Variants in CTTN observed in about 807,000 individuals in gnomAD.
CTTN encodes cortactin.
Under a neutral mutation model 84.0 loss-of-function variants are expected in CTTN, and 28 were observed. The ratio of observed to expected loss-of-function variants is 0.33; its 90% confidence interval spans 0.25 to 0.46. The LOEUF is 0.46. Ranked by LOEUF, CTTN falls within the 20% of genes least tolerant of loss-of-function variation. The pLI is 1.00. For missense variants in CTTN, 641 were observed against 723.8 expected (o/e 0.89, Z 1.31); for synonymous variants, 301 against 288.8 (o/e 1.04, Z -0.43).
chr11:70,423,733 G>A (rs1397311650), intron 12 of CTTN, among the ~76,000 whole-genome samples: 1 of 152,214 alleles, frequency 6.6e-6, no homozygotes, highest in Non-Finnish European at 1.5e-5. Flanking sequence ...GGGGAGCGGG[G>A]ATAGAGCTGG....
intron 2 of CTTN, among the ~76,000 whole-genome samples, chr11:70,405,733 C>T (rs117620840): frequency 9.1e-4 from 138 of 152,278 alleles, no homozygotes; most frequent in South Asian, 4.6e-3. Flanking sequence ...AGAGACTGTG[C>T]TCTGCTAATC....
At chr11:70,409,021 TG>T (rs2058073069) in intron 4 of CTTN, among the ~76,000 whole-genome samples, 1 of 152,194 alleles carries the variant, frequency 6.6e-6, no homozygotes, top group South Asian at 2.1e-4. Flanking sequence ...GAGGAACACA[TG>T]GGGAATAAGC....
chr11:70,411,145 AG>A (rs1266591557), intron 5 of CTTN, among the ~76,000 whole-genome samples: 2 of 152,230 alleles, frequency 1.3e-5, no homozygotes, highest in Non-Finnish European at 1.5e-5. Context: ...GAGTGTAAAC[AG>A]GCAGACGGAC....
Position 70,435,487 on chromosome 11 carries a change from T to C in CTTN, c.*325T>C. 1.3e-6 allele frequency: 2 copies of C among 1,553,676 alleles called. No individual in the cohort carries two copies. The highest frequency in any genetic ancestry group is 1.7e-6 in the Non-Finnish European group (2 of 1,156,598). ...GCAGCTTCAGGGAGCTCGCATTCTC[T>C]TGTGTTCGTGTTGCCCTCGTGCCCA... On this transcript the variant is annotated 3_prime_UTR_variant, in exon 18 of 18. Coordinates refer to ENST00000301843, the MANE Select transcript of CTTN (RefSeq NM_005231.4).
At chr11:70,422,752 G>T in intron 11 of CTTN, 188 bp from the exon 12 acceptor site, 12 of 1,458,326 alleles carry the variant, frequency 8.2e-6, no homozygotes, top group Non-Finnish European at 1.1e-5. Context: ...GCTTCTCACT[G>T]CCTGTGTCTC....
chr11:70,413,361 C>T (rs1233166306), intron 5 of CTTN, among the ~76,000 whole-genome samples: 1 of 152,188 alleles, frequency 6.6e-6, no homozygotes, highest in Non-Finnish European at 1.5e-5. Flanking sequence ...TGACCCGGCT[C>T]TGCTGTGAGG....
intron 8 of CTTN, 99 bp from the exon 9 acceptor site, chr11:70,419,647 C>A: frequency 2.3e-6 from 2 of 875,992 alleles, no homozygotes; most frequent in Non-Finnish European, 1.8e-6. Flanking sequence ...CTACAGTGGA[C>A]CTGAAAGATT....
chr11:70,405,153 C>T (rs765492838), intron 1 of CTTN, 112 bp from the exon 2 acceptor site: 1 of 152,172 alleles, frequency 6.6e-6, no homozygotes, highest in African/African-American at 2.4e-5. Context: ...AACCTTGTTA[C>T]GTTTGGGAAG....
At position 70,435,167 on chromosome 11, in the gene CTTN, C is replaced by A; in HGVS notation, c.*5C>A. On this transcript the variant is annotated 3_prime_UTR_variant, in exon 18 of 18. Transcript: ENST00000301843. Reference sequence around the variant, plus strand: ...TATGTGGAGCTGCGGCAGTAGGGCCCCCAGCCCCCCCCCGGAGCTGCGCCC... The same window carrying A: ...TATGTGGAGCTGCGGCAGTAGGGCCACCAGCCCCCCCCCGGAGCTGCGCCC... 4 of 1,604,680 alleles carry A rather than the reference C, an allele frequency of 2.5e-6. No individual in the cohort carries two copies. The highest frequency in any genetic ancestry group is 3.4e-6 in the Non-Finnish European group (4 of 1,176,108).
chr11:70,412,042 G>GC (rs1421800052), intron 5 of CTTN, among the ~76,000 whole-genome samples: 2 of 152,128 alleles, frequency 1.3e-5, no homozygotes, highest in African/African-American at 2.4e-5. Context: ...GGCGAGTCCA[G>GC]CAAGGGATGC....
At chr11:70,413,254 A>G (rs1156936236) in intron 5 of CTTN, among the ~76,000 whole-genome samples, 1 of 152,212 alleles carries the variant, frequency 6.6e-6, no homozygotes, top group African/African-American at 2.4e-5. Flanking sequence ...GTGGCTCCAC[A>G]TGCTAGAGGG....
intron 1 of CTTN, among the ~76,000 whole-genome samples, chr11:70,400,407 G>T (rs1320672036): frequency 6.6e-6 from 1 of 151,978 alleles, no homozygotes; most frequent in Non-Finnish European, 1.5e-5. Context: ...AGGCTGCATT[G>T]AGCTCGATCG....
At position 70,407,320 on chromosome 11, in the gene CTTN, A is replaced by G; in HGVS notation, c.23A>G (p.His8Arg). 2 of 1,553,366 alleles carry G rather than the reference A, an allele frequency of 1.3e-6. No individual in the cohort carries two copies. Among genetic ancestry groups the G allele is most frequent in the South Asian group, 2.4e-5 (2 of 84,580 alleles). Reference protein sequence around the residue: MWKASAGHAVSIAQDDAG... With the variant: MWKASAGRAVSIAQDDAG... The stretch of plus-strand genomic sequence containing the variant: ...CAGATGTGGAAAGCTTCAGCAGGCC[A>G]CGCTGTGTCCATCGCCCAGGATGAC... The change falls in exon 3 of 18, where the codon CAC (histidine) becomes CGC (arginine). Residue 8 changes from histidine (H) to arginine (R), a missense_variant. This residue lies in a region of CTTN where 284 missense variants were observed against 348.4 expected (regional missense o/e 0.82). Coordinates refer to ENST00000301843, the MANE Select transcript of CTTN (RefSeq NM_005231.4).
Position 70,436,294 on chromosome 11 carries a change from C to T in CTTN, c.*1132C>T. 1 of 1,598,232 alleles carries T rather than the reference C, an allele frequency of 6.3e-7. No individual in the cohort carries two copies. The highest frequency in any genetic ancestry group is 8.5e-7 in the Non-Finnish European group (1 of 1,179,764). ...ACTCACTTTGTAGGAAACTCATCTCCTTCCTGAGGAGCCGGGAGGCTGGAC... is the reference window on the plus strand; with the variant it reads ...ACTCACTTTGTAGGAAACTCATCTCTTTCCTGAGGAGCCGGGAGGCTGGAC... On this transcript the variant is annotated 3_prime_UTR_variant, in exon 18 of 18. Coordinates refer to ENST00000301843, the MANE Select transcript of CTTN (RefSeq NM_005231.4).
chr11:70,422,790 CT>C, intron 11 of CTTN, 149 bp from the exon 12 acceptor site: 1 of 1,490,648 alleles, frequency 6.7e-7, no homozygotes, highest in Non-Finnish European at 9.0e-7. Context: ...CAAAACTTGC[CT>C]TGCAAGTGAA....
intron 1 of CTTN, among the ~76,000 whole-genome samples, chr11:70,404,885 C>G (rs1182974180): frequency 6.6e-6 from 1 of 152,148 alleles, no homozygotes; most frequent in African/African-American, 2.4e-5. Context: ...GCCTGTAATC[C>G]CAGCTACTTG....
rs1414085722 is a variant in CTTN at position 70,415,733 on chromosome 11, T to C, written c.457+16T>C. On this transcript the variant is annotated intron_variant, in intron 7 of 17. Coordinates refer to ENST00000301843, the MANE Select transcript of CTTN (RefSeq NM_005231.4). ...TCCCAGAAAGGTAAGACGCGAAAGG[T>C]GCAGAAAGAGCCCGCTCCGGGGGCC... 6.2e-7 allele frequency: 1 copy of C among 1,613,714 alleles called. No individual in the cohort carries two copies. The highest frequency in any genetic ancestry group is 8.5e-7 in the Non-Finnish European group (1 of 1,179,760).
Position 70,433,211 on chromosome 11 carries a change from G to T in CTTN, c.1377G>T (p.Gln459His), listed in dbSNP as rs1257683682. Reference protein sequence around the residue: ...EAADYREASSQQGLAYATEAV... With the variant: ...EAADYREASSHQGLAYATEAV... ...CTGACTACCGAGAGGCCAGCAGCCA[G>T]CAGGGCCTGGCCTATGCCACAGAGG... is the stretch of plus-strand genomic sequence containing the variant. Residue 459 changes from glutamine to histidine, a missense_variant, in exon 16 of 18, where the codon CAG becomes CAT. Coordinates refer to ENST00000301843, the MANE Select transcript of CTTN (RefSeq NM_005231.4). 1 of 1,613,512 alleles carries T rather than the reference G, an allele frequency of 6.2e-7. No homozygotes were observed.
intron 6 of CTTN, among the ~76,000 whole-genome samples, chr11:70,415,125 G>A (rs574838465): frequency 1.3e-5 from 2 of 152,270 alleles, no homozygotes; most frequent in African/African-American, 2.4e-5. Context: ...ATAGAGGAGC[G>A]ATCAGGAGCC....
Sources: allele counts gnomAD v4.1 joint callset (sites outside exome capture counted in the v4.1 genomes callset), GRCh38; gene constraint gnomAD v4.1.1; regional missense constraint gnomAD v4.1.1; transcripts MANE v1.5; gene names NCBI Gene and HGNC (gene_info 2026-07-23, HGNC 2026-07-21).